The following STARD9 variants were observed in gnomAD, a reference collection of about 807,000 sequenced individuals.
The protein encoded by STARD9 is stAR-related lipid transfer protein 9.
STARD9 carries 346 observed loss-of-function variants against 399.8 expected under a neutral mutation model. That is an observed-to-expected ratio of 0.87 (90% CI 0.79 to 0.95). The LOEUF (loss-of-function observed/expected upper bound fraction) is 0.95, where lower values mean the gene tolerates loss of function less well. Among genes scored for constraint, STARD9 ranks in the 40% least tolerant of loss-of-function variants. STARD9 has a pLI of 0.00. For missense variants in STARD9, 5,832 were observed against 5,667.5 expected (o/e 1.03, Z -0.93); for synonymous variants, 2,203 against 2,143.5 (o/e 1.03, Z -0.77).
Position 42,575,751 on chromosome 15 carries a change from G to A in STARD9, c.36G>A (p.Pro12=). The A allele has an allele frequency of 6.5e-7, 1 of 1,536,886 alleles. No homozygotes were observed. The highest frequency in any genetic ancestry group is 1.2e-5 in the South Asian group (1 of 84,060). ...ANVQVAVRVR[P]LSKRETKEGG... is the part of the protein sequence containing the mutation. ...TGCAGGTCGCCGTGCGGGTCCGGCC[G>A]CTCAGCAAGAGGTGAGTCTCCGCGG... The change falls in exon 1 of 33, where the codon CCG becomes CCA. Residue 12 remains proline, a synonymous_variant. Coordinates refer to ENST00000290607, the MANE Select transcript of STARD9 (RefSeq NM_020759.3).
At chr15:42,580,563 C>G (rs2141648650) in intron 1 of STARD9, among the ~76,000 whole-genome samples, 1 of 152,312 alleles carries the variant, frequency 6.6e-6, no homozygotes, top group Middle Eastern at 3.4e-3. Flanking sequence ...CGCCTGTAAT[C>G]CCAGCACTTT....
At chr15:42,695,475 CTT>C (rs1387282632) in intron 25 of STARD9, among the ~76,000 whole-genome samples, 152 bp downstream of exon 25, 1 of 152,224 alleles carries the variant, frequency 6.6e-6, no homozygotes, top group South Asian at 2.1e-4. Context: ...GGCTCACTGT[CTT>C]TTTACATCAT....
At chr15:42,622,337 C>T (rs910008431) in intron 3 of STARD9, among the ~76,000 whole-genome samples, 17 of 152,170 alleles carry the variant, frequency 1.1e-4, no homozygotes, top group Admixed American at 8.5e-4. Flanking sequence ...ACCTGTAGCT[C>T]GCTCTCTCTC....
chr15:42,624,643 G>C (rs1397948721), intron 3 of STARD9, among the ~76,000 whole-genome samples: 1 of 151,920 alleles, frequency 6.6e-6, no homozygotes, highest in East Asian at 1.9e-4. Flanking sequence ...CCGCCTCCCA[G>C]GTTCAAGTGA....
At chr15:42,701,781 T>G (rs1040538600) in intron 26 of STARD9, among the ~76,000 whole-genome samples, 2 of 151,716 alleles carry the variant, frequency 1.3e-5, no homozygotes, top group Admixed American at 1.3e-4. Flanking sequence ...GATCACAAAG[T>G]CAGGAGTTCG....
chr15:42,634,909 C>T lies in STARD9; in HGVS notation c.288C>T (p.Asn96=), dbSNP rs769181914. 6.5e-6 allele frequency: 10 copies of T among 1,536,974 alleles called. No homozygotes were observed. The East Asian group carries it at 1.5e-4, about 23-fold the overall frequency. The change falls in exon 4 of 33, where the codon AAC becomes AAT. Residue 96 remains asparagine, a synonymous_variant. Transcript: ENST00000290607. ...TGTCTGGAGTTGCCAAAGGCTATAA[C>T]ATATGCCTTTTTGCTTATGGACAGA... ...EVLSGVAKGY[N]ICLFAYGQTG...
chr15:42,651,163 T>A, intron 8 of STARD9, 78 bp downstream of exon 8: 1 of 1,031,004 alleles, frequency 9.7e-7, no homozygotes, highest in Non-Finnish European at 1.4e-6. Context: ...TTGGGGAGTG[T>A]ATAATGACAC....
chr15:42,676,066 T>C, intron 20 of STARD9, 91 bp downstream of exon 20: 4 of 672,644 alleles, frequency 5.9e-6, no homozygotes, highest in East Asian at 4.4e-5. Context: ...TGGGGGGTGA[T>C]TAATGTAGCA....
rs921157026 is a variant in STARD9 at position 42,682,439 on chromosome 15, A to G, written c.2401A>G (p.Ser801Gly). ...GACATTGTGCTGGCTCCAGGATGAC[A>G]GCACCCAGGAGCCCCCATACCAGGT... ...LTTLCWLQDD[S>G]TQEPPYQVLS... Residue 801 changes from serine (S) to glycine (G), a missense_variant, in exon 22 of 33, where the codon AGC becomes GGC. Physicochemically the swap from Ser to Gly is moderately conservative, Grantham distance 56. This residue lies in a region of STARD9 where 5,828 missense variants were observed against 5,651.1 expected (regional missense o/e 1.03). Coordinates refer to ENST00000290607, the MANE Select transcript of STARD9 (RefSeq NM_020759.3). 9.8e-6 allele frequency: 15 copies of G among 1,537,084 alleles called. No individual in the cohort carries two copies. The African/African-American group carries it at 1.8e-4, about 18-fold the overall frequency.
At chr15:42,702,192 C>T (rs115569250) in intron 26 of STARD9, among the ~76,000 whole-genome samples, 1,598 of 152,022 alleles carry the variant, frequency 0.011, 28 homozygotes, top group African/African-American at 0.036. Context: ...AGAACAAAGA[C>T]GATTAAAATT....
intron 3 of STARD9, among the ~76,000 whole-genome samples, chr15:42,590,409 A>G (rs1208196885): frequency 2.6e-5 from 4 of 152,160 alleles, no homozygotes; most frequent in Non-Finnish European, 5.9e-5. Flanking sequence ...GAAATATGGC[A>G]TTGATTTCAG....
chr15:42,688,428 G>A lies in STARD9; in HGVS notation c.6850G>A (p.Gly2284Ser), dbSNP rs751745875. 6.5e-7 allele frequency: 1 copy of A among 1,537,708 alleles called. No individual in the cohort carries two copies. Among genetic ancestry groups the A allele is most frequent in the South Asian group, 1.2e-5 (1 of 84,064 alleles). ...TGAAGAAATGCCTATGCAAAGGGGA[G>A]GCAGCCTTCAGGAAGAAAATAAAGT... ...KVEEMPMQRG[G>S]SLQEENKVTQ... Residue 2284 changes from glycine (G) to serine (S), a missense_variant, in exon 23 of 33, where the codon GGC becomes AGC. Physicochemically the swap from Gly to Ser is moderately conservative, Grantham distance 56. This residue lies in a region of STARD9 where 5,828 missense variants were observed against 5,651.1 expected (regional missense o/e 1.03). Coordinates refer to ENST00000290607, the MANE Select transcript of STARD9 (RefSeq NM_020759.3).
At position 42,583,350 on chromosome 15, in the gene STARD9, A is replaced by G; in HGVS notation, c.52A>G (p.Thr18Ala). The G allele has an allele frequency of 2.0e-6, 3 of 1,536,596 alleles. No individual in the cohort carries two copies. The highest frequency in any genetic ancestry group is 2.4e-5 in the South Asian group (2 of 84,030). ...VRVRPLSKRETKEGGRIIVEV... is the reference protein window; with the variant it reads ...VRVRPLSKREAKEGGRIIVEV... ...GAGCTTGGGTCTTGTTTCTAGGGAG[A>G]CCAAAGAAGGGGGAAGAATTATTGT... The change falls in exon 2 of 33, where the codon ACC (threonine) becomes GCC (alanine). Residue 18 changes from threonine to alanine, a missense_variant. Transcript: ENST00000290607.
chr15:42,603,871 G>A (rs547575932), intron 3 of STARD9, among the ~76,000 whole-genome samples: 2,516 of 152,234 alleles, frequency 0.017, 29 homozygotes, highest in Admixed American at 0.028. Flanking sequence ...TTGGTTCAAA[G>A]AACCAAAGGA....
intron 20 of STARD9, among the ~76,000 whole-genome samples, chr15:42,679,170 G>A (rs944561010): frequency 3.3e-4 from 51 of 152,296 alleles, no homozygotes; most frequent in African/African-American, 1.2e-3. Context: ...TCTTAGCTGG[G>A]TTTGTCTAGG....
intron 13 of STARD9, among the ~76,000 whole-genome samples, chr15:42,664,428 A>G (rs7178483): frequency 0.073 from 11,125 of 152,268 alleles, 964 homozygotes; most frequent in African/African-American, 0.21. Context: ...CAGCAGCACT[A>G]TTGTGGCTCA....
chr15:42,616,781 C>T (rs2058970653), intron 3 of STARD9, among the ~76,000 whole-genome samples: 1 of 150,974 alleles, frequency 6.6e-6, no homozygotes, highest in South Asian at 2.1e-4. Context: ...GTCCCAGCTA[C>T]TCGGGAGGCT....
At chr15:42,646,420 C>T (rs2059646554) in intron 7 of STARD9, among the ~76,000 whole-genome samples, 1 of 152,218 alleles carries the variant, frequency 6.6e-6, no homozygotes. Flanking sequence ...TAACTTATTA[C>T]AGCTTCTCCG....
In STARD9 at chr15:42,695,857, C is replaced by T. The variant is rs1378707265; in HGVS notation, c.13261C>T (p.Gln4421Ter). ...GYNSSPALSG[Q>*]LQFPENMGHT... ...TAATAGCAGCCCAGCCTTGTCAGGC[C>T]AGCTCCAGTTCCCAGAGAATATGGT... The change falls in exon 26 of 33, where the codon CAG (glutamine) becomes TAG (stop). Residue 4421 changes from glutamine to a stop codon, truncating the protein, a stop_gained. Coordinates refer to ENST00000290607, the MANE Select transcript of STARD9 (RefSeq NM_020759.3). LOFTEE classifies it high-confidence loss of function. 6.5e-7 allele frequency: 1 copy of T among 1,537,068 alleles called. No homozygotes were observed. The highest frequency in any genetic ancestry group is 1.4e-5 in the African/African-American group (1 of 73,048).
Sources: allele counts gnomAD v4.1 joint callset (sites outside exome capture counted in the v4.1 genomes callset), GRCh38; gene constraint gnomAD v4.1.1; regional missense constraint gnomAD v4.1.1; transcripts MANE v1.5; gene names NCBI Gene and HGNC (gene_info 2026-07-23, HGNC 2026-07-21).